Variants in BCAS3 observed in about 807,000 individuals in gnomAD.
BCAS3 encodes BCAS3 microtubule associated cell migration factor.
BCAS3 carries 53 observed loss-of-function variants against 116.1 expected under a neutral mutation model. That is an observed-to-expected ratio of 0.46 (90% CI 0.37 to 0.57). BCAS3 has a LOEUF of 0.57. BCAS3 is among the 20% of genes least tolerant of loss of function. BCAS3 has a pLI of 0.00. For missense variants in BCAS3, 917 were observed against 1,165.4 expected, an observed-to-expected ratio of 0.79 and a Z score of 3.10; for synonymous variants, 391 against 408.2, an observed-to-expected ratio of 0.96 and a Z score of 0.51.
At chr17:61,341,388 G>A (rs2057139452) in intron 22 of BCAS3, among the ~76,000 whole-genome samples, 1 of 152,218 alleles carries the variant, frequency 6.6e-6, no homozygotes. Context: ...CCCAAATACG[G>A]CAGTTTAGAA....
chr17:60,807,187 T>C (rs951985727), intron 6 of BCAS3, among the ~76,000 whole-genome samples: 5 of 152,192 alleles, frequency 3.3e-5, no homozygotes, highest in African/African-American at 1.2e-4. Context: ...ATTAATAGAT[T>C]TTATACTGCC....
At position 61,144,668 on chromosome 17, in the gene BCAS3, C is replaced by T. The variant is rs180882377; in HGVS notation, c.2425+60104C>T. Among the ~76,000 whole-genome samples the T allele has an allele frequency of 2.6e-5, 4 of 151,548 alleles. No homozygotes were observed. The highest frequency in any genetic ancestry group is 4.1e-4 in the South Asian group (2 of 4,820). ...TCATTTAACAATACAATATTTCTCTCGTGTTCTTGAGCATGTATTTAAGTT... is the reference window on the plus strand; with the variant it reads ...TCATTTAACAATACAATATTTCTCTTGTGTTCTTGAGCATGTATTTAAGTT... On this transcript the variant is annotated intron_variant, in intron 22 of 23. Coordinates refer to ENST00000407086, the MANE Select transcript of BCAS3 (RefSeq NM_017679.5). This position sits in a 1 kb window ranked among gnomAD's most constrained non-coding sequence, Gnocchi z 5.0.
chr17:61,159,878 T>C (rs1280422050), intron 22 of BCAS3, among the ~76,000 whole-genome samples: 2 of 152,230 alleles, frequency 1.3e-5, no homozygotes, highest in African/African-American at 2.4e-5. Flanking sequence ...TAAGTTGTGT[T>C]TGCCTGTGTA....
At chr17:61,353,336 C>A (rs1568922645) in intron 22 of BCAS3, among the ~76,000 whole-genome samples, 4 of 152,160 alleles carry the variant, frequency 2.6e-5, no homozygotes, top group Admixed American at 2.0e-4. Flanking sequence ...GCACACAGAT[C>A]CCCTGGGGGT....
At chr17:60,912,373 G>A (rs936142446) in intron 12 of BCAS3, among the ~76,000 whole-genome samples, 5 of 152,084 alleles carry the variant, frequency 3.3e-5, no homozygotes, top group African/African-American at 1.2e-4. Context: ...TCTGTTTCCA[G>A]TATATATGGG....
At position 61,037,967 on chromosome 17, in the gene BCAS3, C is replaced by T. The variant is rs1018059124; in HGVS notation, c.1841C>T (p.Pro614Leu). 5.6e-6 allele frequency: 9 copies of T among 1,613,936 alleles called. No homozygotes were observed. The highest frequency in any genetic ancestry group is 2.7e-5 in the African/African-American group (2 of 74,894). Residue 614 changes from proline (P) to leucine (L), a missense_variant, in exon 18 of 24, where the codon CCG becomes CTG. Transcript: ENST00000407086. This position sits in a 1 kb window ranked among gnomAD's most constrained non-coding sequence, Gnocchi z 4.7. ...ACCTTAGTGGAACACATGATGGAGC[C>T]GCGACCCCTCAGCACTGCACCCAAG... ...YGTLVEHMME[P>L]RPLSTAPKIS...
At chr17:61,109,283 T>G (rs2074896975) in intron 22 of BCAS3, among the ~76,000 whole-genome samples, 1 of 145,348 alleles carries the variant, frequency 6.9e-6, no homozygotes, top group African/African-American at 2.5e-5. Flanking sequence ...AGTATTCCAT[T>G]TGTGTGTGTG....
intron 15 of BCAS3, among the ~76,000 whole-genome samples, chr17:60,998,553 A>G (rs567563076): frequency 7.9e-5 from 12 of 152,288 alleles, no homozygotes; most frequent in Middle Eastern, 3.4e-3. Context: ...GACTGGTGTG[A>G]GATGGTACCT....
chr17:60,949,805 A>G (rs1490918305), intron 14 of BCAS3, among the ~76,000 whole-genome samples: 1 of 152,258 alleles, frequency 6.6e-6, no homozygotes, highest in Non-Finnish European at 1.5e-5. Flanking sequence ...GCTTCTAGAT[A>G]TAGTCTCACT....
chr17:60,829,749 GTT>G (rs2050751886), intron 7 of BCAS3, among the ~76,000 whole-genome samples: 1 of 151,996 alleles, frequency 6.6e-6, no homozygotes, highest in African/African-American at 2.4e-5. Context: ...TTTCCAAGCA[GTT>G]TTTATTGTTC....
intron 13 of BCAS3, among the ~76,000 whole-genome samples, chr17:60,944,068 A>G (rs1328766887): frequency 6.6e-6 from 1 of 152,030 alleles, no homozygotes; most frequent in Admixed American, 6.6e-5. Flanking sequence ...TGCTCCCATA[A>G]GAAACTCGAA....
chr17:61,014,429 G>A (rs1383353167), intron 15 of BCAS3, among the ~76,000 whole-genome samples: 1 of 152,078 alleles, frequency 6.6e-6, no homozygotes, highest in Non-Finnish European at 1.5e-5. Flanking sequence ...CATGTATATG[G>A]TCAGTTGGTT....
intron 14 of BCAS3, among the ~76,000 whole-genome samples, chr17:60,954,455 A>G (rs1474661570): frequency 6.6e-6 from 1 of 152,208 alleles, no homozygotes; most frequent in Non-Finnish European, 1.5e-5. Context: ...TTTAAAGCAT[A>G]CAGTTCAATG....
intron 4 of BCAS3, among the ~76,000 whole-genome samples, chr17:60,702,672 C>T (rs191307075): frequency 5.9e-5 from 9 of 152,286 alleles, no homozygotes; most frequent in African/African-American, 2.2e-4. Flanking sequence ...TCAGTGCAGC[C>T]TCCACCTCTG....
intron 7 of BCAS3, among the ~76,000 whole-genome samples, chr17:60,844,667 A>C (rs1286170737): frequency 2.0e-5 from 3 of 152,184 alleles, no homozygotes. Context: ...ATCTAAGACT[A>C]CTGGCTTATC....
chr17:61,341,687 G>C (rs1055730407), intron 22 of BCAS3, among the ~76,000 whole-genome samples: 1 of 152,172 alleles, frequency 6.6e-6, no homozygotes, highest in African/African-American at 2.4e-5. Context: ...CAACTGAAAA[G>C]CACACCCAGT....
At position 60,770,882 on chromosome 17, in the gene BCAS3, C is replaced by G. The variant is rs992025490; in HGVS notation, c.403+23603C>G. Among the ~76,000 whole-genome samples, 35 of 114,152 alleles carry G rather than the reference C, an allele frequency of 3.1e-4. 1 individual carries two copies. The highest frequency in any genetic ancestry group is 9.3e-4 in the African/African-American group (31 of 33,262). The allele number at this position is 114,152 out of a possible 152,430, so 74.9% of individuals were successfully genotyped here. On this transcript the variant is annotated intron_variant, in intron 6 of 23. Transcript: ENST00000407086. ...TTTTTTTTTGAGACAGGGTCTCACT[C>G]TGTCACGCAGGCTGGAGGGCAGTGG... is the stretch of plus-strand genomic sequence containing the variant.
At chr17:61,069,710 C>T (rs764397634) in intron 19 of BCAS3, 5 of 551,416 alleles carry the variant, frequency 9.1e-6, no homozygotes, top group South Asian at 6.3e-5. Flanking sequence ...TGGTGGCGCA[C>T]GCCTGTAATC....
intron 22 of BCAS3, among the ~76,000 whole-genome samples, chr17:61,334,463 C>G (rs538269991): frequency 1.2e-4 from 19 of 152,164 alleles, no homozygotes; most frequent in African/African-American, 4.3e-4. Flanking sequence ...GTCAGGAGTT[C>G]AAGACCAGCC....
Sources: gnomAD v4.1 joint callset for allele counts (sites outside exome capture counted in the v4.1 genomes callset) on GRCh38, gnomAD v4.1.1 for gene constraint, Gnocchi (gnomAD v3.1) non-coding constraint, MANE v1.5 for transcripts, NCBI Gene and HGNC (gene_info 2026-07-23, HGNC 2026-07-21) for gene names.